PRKN: variants seen among roughly 807,000 people sequenced by gnomAD.
The protein encoded by PRKN is E3 ubiquitin-protein ligase parkin.
PRKN carries 56 observed loss-of-function variants against 59.5 expected under a neutral mutation model. The ratio of observed to expected loss-of-function variants is 0.94; its 90% CI spans 0.76 to 1.18. The LOEUF (loss-of-function observed/expected upper bound fraction) is 1.18, where lower values mean the gene tolerates loss of function less well. PRKN is among the 50% of genes most tolerant of loss of function. The pLI is 0.00. For missense variants in PRKN, 657 were observed against 596.4 expected (o/e 1.10, Z -1.06); for synonymous variants, 250 against 222.1 (o/e 1.13, Z -1.12).
chr6:161,680,736 TA>T, intron 7 of PRKN, among the ~76,000 whole-genome samples: 1 of 3,198 alleles, frequency 3.1e-4, no homozygotes, highest in South Asian at 0.015. Context: ...CATATATATA[TA>T]TATATATATA....
At chr6:161,673,504 GC>G (rs1232934759) in intron 7 of PRKN, among the ~76,000 whole-genome samples, 1 of 152,210 alleles carries the variant, frequency 6.6e-6, no homozygotes, top group Non-Finnish European at 1.5e-5. Context: ...GGGCACATTG[GC>G]CAGGCACCCA....
At chr6:162,677,793 T>C (rs1048532858) in intron 1 of PRKN, among the ~76,000 whole-genome samples, 1 of 152,204 alleles carries the variant, frequency 6.6e-6, no homozygotes, top group Non-Finnish European at 1.5e-5. Context: ...GGACAACGTA[T>C]TTTTTGAAAG....
In PRKN at chr6:161,658,030, A is replaced by AAGAAAAAAAAAG. The variant is rs1554289233; in HGVS notation, c.872-88615_872-88614insCTTTTTTTTTCT. 3.0e-4 allele frequency among the ~76,000 whole-genome samples: 31 copies of AAGAAAAAAAAAG among 104,878 alleles called. 1 individual carries two copies. The highest frequency in any genetic ancestry group is 1.1e-3 in the African/African-American group (31 of 28,618). 68.8% of individuals were successfully genotyped at this position (104,878 alleles called of 152,430 possible). On this transcript the variant is annotated intron_variant, in intron 7 of 11. Transcript: ENST00000366898. Reference sequence around the variant, plus strand: ...GACTCTGTCTCAAAAAAAAAAAAAAAAAAAGAAAAGAAAAGAAAAAAACGG... The same window carrying AAGAAAAAAAAAG: ...GACTCTGTCTCAAAAAAAAAAAAAAAAGAAAAAAAAAGAAAAGAAAAGAAAAGAAAAAAACGG...
intron 1 of PRKN, among the ~76,000 whole-genome samples, chr6:162,535,831 C>T (rs572491586): frequency 6.6e-6 from 1 of 151,370 alleles, no homozygotes; most frequent in East Asian, 2.0e-4. Flanking sequence ...TTGCTTGAGC[C>T]TGGGAGGCAG....
chr6:161,528,716 G>T (rs1273556823), intron 9 of PRKN, among the ~76,000 whole-genome samples: 1 of 152,206 alleles, frequency 6.6e-6, no homozygotes, highest in Non-Finnish European at 1.5e-5. Flanking sequence ...GTTGAGGTTA[G>T]ACACTGAGTA....
intron 1 of PRKN, among the ~76,000 whole-genome samples, chr6:162,562,532 C>T (rs985286854): frequency 1.3e-5 from 2 of 152,082 alleles, no homozygotes; most frequent in African/African-American, 4.8e-5. Context: ...GCCTTTGGGC[C>T]TTAAGGGAAC....
rs1039440940 is a variant in PRKN, at chr6:162,339,699, G to C, written c.172-76934C>G. ...ATGGTGGCTTTGTGGAATAGAAAGGGGGGAAGGGTGGGAAAAGATTGAGAA... is the reference window on the plus strand; with the variant it reads ...ATGGTGGCTTTGTGGAATAGAAAGGCGGGAAGGGTGGGAAAAGATTGAGAA... On this transcript the variant is annotated intron_variant, in intron 2 of 11. Transcript: ENST00000366898. 3.9e-5 allele frequency among the ~76,000 whole-genome samples: 6 copies of C among 152,306 alleles called. No homozygotes were observed. In the East Asian group the frequency reaches 5.8e-4, roughly 15 times the overall value.
intron 1 of PRKN, among the ~76,000 whole-genome samples, chr6:162,668,686 A>C (rs543625709): frequency 4.6e-5 from 7 of 152,274 alleles, no homozygotes; most frequent in African/African-American, 1.7e-4. Context: ...ACACAAAAGG[A>C]TGTGATGAAC....
In PRKN at chr6:162,273,872, C is replaced by A. The variant is rs116040725; in HGVS notation, c.172-11107G>T. On this transcript the variant is annotated intron_variant, in intron 2 of 11. Transcript: ENST00000366898. ...CATGGATAAATGATATTATCAATAT[C>A]ACTACCCACTTTCCCTTCCTATATT... 1.8e-3 allele frequency among the ~76,000 whole-genome samples: 278 copies of A among 152,210 alleles called. 2 individuals carry two copies. The highest frequency in any genetic ancestry group is 6.3e-3 in the African/African-American group (260 of 41,544).
chr6:161,450,150 C>T (rs180955529), intron 9 of PRKN, among the ~76,000 whole-genome samples: 19 of 152,262 alleles, frequency 1.2e-4, no homozygotes, highest in Admixed American at 2.6e-4. Context: ...CTTTTCGAGT[C>T]TCTCCTAAGA....
At chr6:162,673,504 G>C (rs1190965776) in intron 1 of PRKN, among the ~76,000 whole-genome samples, 1 of 152,122 alleles carries the variant, frequency 6.6e-6, no homozygotes, top group African/African-American at 2.4e-5. Context: ...TCCCACTTCA[G>C]CCTCCCAAGT....
chr6:161,508,108 C>T (rs1311783500), intron 9 of PRKN, among the ~76,000 whole-genome samples: 1 of 152,126 alleles, frequency 6.6e-6, no homozygotes, highest in Non-Finnish European at 1.5e-5. Flanking sequence ...CCACAGAGGA[C>T]TAATAACTGT....
intron 2 of PRKN, among the ~76,000 whole-genome samples, chr6:162,410,109 T>A (rs1788276642): frequency 6.6e-6 from 1 of 152,206 alleles, no homozygotes; most frequent in South Asian, 2.1e-4. Context: ...TCTCTAACAT[T>A]TCTCTGTAGA....
chr6:162,088,066 A>C (rs2128295359), intron 4 of PRKN, among the ~76,000 whole-genome samples: 1 of 152,302 alleles, frequency 6.6e-6, no homozygotes, highest in East Asian at 1.9e-4. Flanking sequence ...TACAGGCTCC[A>C]ATTTCTAACC....
At chr6:162,557,617 T>C (rs1180645829) in intron 1 of PRKN, among the ~76,000 whole-genome samples, 1 of 152,212 alleles carries the variant, frequency 6.6e-6, no homozygotes, top group Non-Finnish European at 1.5e-5. Flanking sequence ...CAAGTAATTC[T>C]TATGCCTCAG....
chr6:161,859,797 A>G (rs1562342865), intron 6 of PRKN, among the ~76,000 whole-genome samples: 1 of 152,146 alleles, frequency 6.6e-6, no homozygotes, highest in Non-Finnish European at 1.5e-5. Context: ...GCCTAAAACT[A>G]TGGTTTTATC....
At chr6:162,511,662 T>A (rs975600225) in intron 1 of PRKN, among the ~76,000 whole-genome samples, 13 of 152,060 alleles carry the variant, frequency 8.5e-5, no homozygotes, top group Non-Finnish European at 1.5e-4. Context: ...GCCCATGGTC[T>A]GGGGAGAGTA....
chr6:162,179,967 A>ATGTGTGT (rs1562562920), intron 4 of PRKN, among the ~76,000 whole-genome samples: 1 of 57,528 alleles, frequency 1.7e-5, no homozygotes, highest in African/African-American at 6.8e-5. Flanking sequence ...TTATCTTATT[A>ATGTGTGT]CTGTGTGTGT....
At chr6:161,764,019 C>T (rs1789318854) in intron 7 of PRKN, among the ~76,000 whole-genome samples, 1 of 152,154 alleles carries the variant, frequency 6.6e-6, no homozygotes, top group Middle Eastern at 3.2e-3. Context: ...CATCTGACTT[C>T]CAGGACTGCA....
Sources: gnomAD v4.1 joint callset for allele counts (sites outside exome capture counted in the v4.1 genomes callset) on GRCh38, gnomAD v4.1.1 for gene constraint, MANE v1.5 for transcripts, NCBI Gene and HGNC (gene_info 2026-07-23, HGNC 2026-07-21) for gene names.